SCHIP1: variants seen among roughly 807,000 people sequenced by gnomAD.
The protein encoded by SCHIP1 is schwannomin-interacting protein 1.
SCHIP1 carries 8 observed loss-of-function variants against 29.7 expected under a neutral mutation model. The observed-to-expected ratio is 0.27, with a 90% CI of 0.16 to 0.49. The LOEUF is 0.49. Ranked by LOEUF, SCHIP1 falls within the 20% of genes least tolerant of loss-of-function variation. The probability of loss-of-function intolerance (pLI) is 0.99; values close to 1 mark genes in which losing one functional copy is unlikely to be tolerated. For missense variants in SCHIP1, 193 were observed against 294.6 expected (o/e 0.66, Z 2.52); for synonymous variants, 76 against 94.9 (o/e 0.80, Z 1.16).
the SCHIP1 span, among the ~76,000 whole-genome samples, chr3:159,607,139 A>G: frequency 1.3e-5 from 2 of 152,148 alleles, no homozygotes; most frequent in Admixed American, 6.6e-5. Context: ...TTCTAGTGCC[A>G]TTTTCCTATT....
the SCHIP1 span, among the ~76,000 whole-genome samples, chr3:159,325,333 A>G: frequency 3.3e-5 from 5 of 152,308 alleles, 1 homozygote; most frequent in South Asian, 1.0e-3. Flanking sequence ...GAAGCAACAC[A>G]CTTGTAAGCC....
chr3:159,813,495 A>C, the SCHIP1 span, among the ~76,000 whole-genome samples: 1 of 152,020 alleles, frequency 6.6e-6, no homozygotes, highest in African/African-American at 2.4e-5. Flanking sequence ...GTCTGAGACC[A>C]GCCTGGGCAA....
chr3:159,743,711 C>T, the SCHIP1 span, among the ~76,000 whole-genome samples: 1 of 152,136 alleles, frequency 6.6e-6, no homozygotes, highest in Non-Finnish European at 1.5e-5. Context: ...TGAACGGCAA[C>T]ATAATGGGTC....
chr3:159,367,316 G>A, the SCHIP1 span, among the ~76,000 whole-genome samples: 1 of 151,770 alleles, frequency 6.6e-6, no homozygotes, highest in Admixed American at 6.6e-5. Context: ...TGCTTGAACC[G>A]GGGAGGCAGA....
chr3:159,476,514 G>A, the SCHIP1 span, among the ~76,000 whole-genome samples: 1 of 152,086 alleles, frequency 6.6e-6, no homozygotes, highest in South Asian at 2.1e-4. Flanking sequence ...TTTTATAAGA[G>A]TAGACTCAGT....
chr3:159,442,900 A>G, the SCHIP1 span, among the ~76,000 whole-genome samples: 1 of 152,220 alleles, frequency 6.6e-6, no homozygotes, highest in Non-Finnish European at 1.5e-5. Flanking sequence ...TGATGAGAAT[A>G]TTATTGATCT....
chr3:159,697,316 T>C, the SCHIP1 span, among the ~76,000 whole-genome samples: 1 of 152,212 alleles, frequency 6.6e-6, no homozygotes, highest in Admixed American at 6.5e-5. Flanking sequence ...GGGGTGCCAT[T>C]CCTGTAAAAC....
chr3:159,834,101 T>G, the SCHIP1 span, among the ~76,000 whole-genome samples: 1 of 152,216 alleles, frequency 6.6e-6, no homozygotes, highest in Non-Finnish European at 1.5e-5. Flanking sequence ...AAGAGCTGTT[T>G]TACATTACTC....
intron 2 of SCHIP1, among the ~76,000 whole-genome samples, chr3:159,876,263 T>A (rs1459595291): frequency 5.3e-5 from 8 of 152,208 alleles, no homozygotes; most frequent in Non-Finnish European, 1.2e-4. Context: ...CCATGCTTTT[T>A]CACTTATCAA....
At chr3:159,474,008 CTAAA>C in the SCHIP1 span, among the ~76,000 whole-genome samples, 6 of 152,006 alleles carry the variant, frequency 3.9e-5, no homozygotes, top group Admixed American at 3.3e-4. Context: ...TAAATTGTCT[CTAAA>C]TAAAAAATGT....
chr3:159,554,435 C>T, the SCHIP1 span, among the ~76,000 whole-genome samples: 1 of 152,122 alleles, frequency 6.6e-6, no homozygotes, highest in African/African-American at 2.4e-5. Flanking sequence ...TCCTACCTTC[C>T]CCTGCTTTGC....
the SCHIP1 span, among the ~76,000 whole-genome samples, chr3:159,549,510 A>G: frequency 6.6e-6 from 1 of 152,090 alleles, no homozygotes; most frequent in Admixed American, 6.6e-5. Context: ...AAGAAATACC[A>G]CAGAACTTGC....
At chr3:159,797,597 G>T in the SCHIP1 span, among the ~76,000 whole-genome samples, 4 of 147,624 alleles carry the variant, frequency 2.7e-5, no homozygotes, top group African/African-American at 1.0e-4. Flanking sequence ...TTTTGAGACA[G>T]TGTCTTGCTC....
the SCHIP1 span, among the ~76,000 whole-genome samples, chr3:159,719,867 G>A: frequency 6.6e-6 from 1 of 152,202 alleles, no homozygotes; most frequent in Admixed American, 6.5e-5. Context: ...ATTTGATCCA[G>A]CCATCCCATT....
chr3:159,306,589 A>T, the SCHIP1 span: 3 of 922,438 alleles, frequency 3.3e-6, no homozygotes, highest in African/African-American at 1.8e-5. Flanking sequence ...ATTTTCCTTT[A>T]TGAAAAAAAT....
the SCHIP1 span, among the ~76,000 whole-genome samples, chr3:159,775,731 C>G: frequency 6.6e-6 from 1 of 152,204 alleles, no homozygotes; most frequent in Non-Finnish European, 1.5e-5. Context: ...GTAGGCGTGC[C>G]TGGAACAAAA....
At chr3:159,347,224 G>A in the SCHIP1 span, among the ~76,000 whole-genome samples, 2 of 152,182 alleles carry the variant, frequency 1.3e-5, no homozygotes, top group Non-Finnish European at 2.9e-5. Flanking sequence ...GAGAAAACAA[G>A]GTGCACCAAA....
intron 5 of SCHIP1, 35 bp downstream of exon 6, chr3:159,888,978 A>G (rs758606783): frequency 3.1e-6 from 5 of 1,606,890 alleles, no homozygotes; most frequent in Non-Finnish European, 3.4e-6. Context: ...TAGGATATTC[A>G]ATGTAAAACA....
At chr3:159,758,279 A>G in the SCHIP1 span, among the ~76,000 whole-genome samples, 4 of 152,074 alleles carry the variant, frequency 2.6e-5, no homozygotes, top group Non-Finnish European at 4.4e-5. Flanking sequence ...CAGCCTCCCA[A>G]GTAGCTGGGA....
Sources: allele counts gnomAD v4.1 joint callset (sites outside exome capture counted in the v4.1 genomes callset), GRCh38; gene constraint gnomAD v4.1.1; transcripts MANE v1.5; gene names NCBI Gene and HGNC (gene_info 2026-07-23, HGNC 2026-07-21).